The following CRIM1 variants were observed in gnomAD, a reference collection of about 807,000 sequenced individuals.
CRIM1 encodes cysteine-rich motor neuron 1 protein.
A neutral mutation model predicts 116.4 loss-of-function variants in CRIM1; 32 were observed. The ratio of observed to expected loss-of-function variants is 0.27; its 90% CI spans 0.21 to 0.37. The LOEUF (loss-of-function observed/expected upper bound fraction) is 0.37. Ranked by LOEUF, CRIM1 falls within the 10% of genes least tolerant of loss-of-function variation. The pLI, the probability that CRIM1 is intolerant of heterozygous loss-of-function variation, is 1.00. For missense variants in CRIM1, 1,331 were observed against 1,354.8 expected, an observed-to-expected ratio of 0.98 and a Z score of 0.28; for synonymous variants, 590 against 509.2, an observed-to-expected ratio of 1.16 and a Z score of -2.13.
intron 9 of CRIM1, among the ~76,000 whole-genome samples, chr2:36,511,276 T>C (rs1036969538): frequency 8.5e-5 from 13 of 152,182 alleles, no homozygotes; most frequent in Non-Finnish European, 1.5e-4. Context: ...AGACCTATCA[T>C]CTCTTTCCCA....
intron 7 of CRIM1, among the ~76,000 whole-genome samples, chr2:36,494,872 C>T (rs1419083305): frequency 6.6e-6 from 1 of 152,128 alleles, no homozygotes; most frequent in East Asian, 1.9e-4. Flanking sequence ...GATTCCTCAG[C>T]TGATTCAATA....
At chr2:36,437,268 C>A (rs564456186) in intron 2 of CRIM1, among the ~76,000 whole-genome samples, 1 of 151,582 alleles carries the variant, frequency 6.6e-6, no homozygotes, top group Non-Finnish European at 1.5e-5. Flanking sequence ...CCAGCTACTC[C>A]GGAGGCTGAG....
At position 36,516,898 on chromosome 2, in the gene CRIM1, T is replaced by C. The variant is rs563419793; in HGVS notation, c.1991-429T>C. 7.3e-4 allele frequency among the ~76,000 whole-genome samples: 111 copies of C among 152,282 alleles called. 1 individual carries two copies. Among genetic ancestry groups the C allele is most frequent in the African/African-American group, 2.7e-3 (111 of 41,546 alleles). On this transcript the variant is annotated intron_variant, in intron 11 of 16. Coordinates refer to ENST00000280527, the MANE Select transcript of CRIM1 (RefSeq NM_016441.3). The stretch of plus-strand genomic sequence containing the variant: ...CCTCATGCATAAAATAAGGTGACTG[T>C]AAGGAATAAATGAAATAACACATGT...
chr2:36,373,599 G>A (rs965513079), intron 1 of CRIM1, among the ~76,000 whole-genome samples: 12 of 152,184 alleles, frequency 7.9e-5, no homozygotes, highest in African/African-American at 2.7e-4. Flanking sequence ...ATTTTGAGAG[G>A]TAGAAATGAA....
intron 7 of CRIM1, among the ~76,000 whole-genome samples, chr2:36,480,193 C>T (rs1679299875): frequency 6.6e-6 from 1 of 152,194 alleles, no homozygotes; most frequent in Non-Finnish European, 1.5e-5. Context: ...TTTGCAATTC[C>T]TCTAGTGCTG....
intron 8 of CRIM1, among the ~76,000 whole-genome samples, chr2:36,505,015 T>G (rs1681289768): frequency 6.6e-6 from 1 of 152,230 alleles, no homozygotes; most frequent in Non-Finnish European, 1.5e-5. Flanking sequence ...GCCTTCATAT[T>G]TTTCATGAAA....
chr2:36,515,311 A>G (rs901140253), intron 11 of CRIM1, among the ~76,000 whole-genome samples: 1 of 152,248 alleles, frequency 6.6e-6, no homozygotes, highest in African/African-American at 2.4e-5. Flanking sequence ...TCTCTATTAC[A>G]GAGTCATGGA....
rs148327757 is a variant in CRIM1 at position 36,386,940 on chromosome 2, G to A, written c.332-9674G>A. The stretch of plus-strand genomic sequence containing the variant: ...GTCATGAAACAACATGGGACATTCA[G>A]GCAATTCATAGTCACTAAGTCTTAC... On this transcript the variant is annotated intron_variant, in intron 1 of 16. Coordinates refer to ENST00000280527, the MANE Select transcript of CRIM1 (RefSeq NM_016441.3). Among the ~76,000 whole-genome samples the A allele has an allele frequency of 2.2e-3, 328 of 152,328 alleles. 1 individual carries two copies. The highest frequency in any genetic ancestry group is 7.0e-3 in the African/African-American group (289 of 41,572).
chr2:36,517,678 G>A lies in CRIM1; in HGVS notation c.2206+136G>A, dbSNP rs1020868182. The A allele has an allele frequency of 8.0e-6, 6 of 752,778 alleles. No homozygotes were observed. The East Asian group carries it at 8.2e-5, about 10-fold the overall frequency. 46.6% of individuals were successfully genotyped at this position (752,778 alleles called of 1,614,324 possible). A position where few individuals can be genotyped will look rare whatever the true frequency, so the allele number is the denominator to read the frequency against. On this transcript the variant is annotated intron_variant, in intron 12 of 16. Coordinates refer to ENST00000280527, the MANE Select transcript of CRIM1 (RefSeq NM_016441.3). The stretch of plus-strand genomic sequence containing the variant: ...ACCCAGTATCCCATCAGGAACAGCT[G>A]GCAGCCTGCTTCCTGCATGTATTCT...
intron 7 of CRIM1, among the ~76,000 whole-genome samples, chr2:36,497,888 C>A (rs1680710989): frequency 6.6e-6 from 1 of 152,140 alleles, no homozygotes; most frequent in Non-Finnish European, 1.5e-5. Context: ...TCCCTGGTAA[C>A]AGGAGATGAA....
intron 1 of CRIM1, among the ~76,000 whole-genome samples, chr2:36,381,078 C>T (rs768303983): frequency 6.6e-6 from 1 of 152,198 alleles, no homozygotes; most frequent in Non-Finnish European, 1.5e-5. Flanking sequence ...TGAACTTTTC[C>T]CTGCCAGCCT....
chr2:36,517,929 A>C (rs1665138350), intron 12 of CRIM1, among the ~76,000 whole-genome samples: 2 of 152,338 alleles, frequency 1.3e-5, no homozygotes, highest in South Asian at 4.1e-4. Flanking sequence ...GTTATTTATA[A>C]ATAATGTAAA....
intron 5 of CRIM1, among the ~76,000 whole-genome samples, chr2:36,466,044 CGCGG>C (rs373339886): frequency 0.45 from 67,819 of 151,672 alleles, 15,521 homozygotes; most frequent in South Asian, 0.67. Context: ...CGCCACCACA[CGCGG>C]CTAATTTTTT....
chr2:36,509,755 A>G (rs1286577349), intron 8 of CRIM1, among the ~76,000 whole-genome samples: 1 of 152,184 alleles, frequency 6.6e-6, no homozygotes, highest in African/African-American at 2.4e-5. Flanking sequence ...TTAGAAATCT[A>G]TGCATTTCAA....
rs750669467 is a variant in CRIM1, at chr2:36,486,445, G to A, written c.1372+6751G>A. On this transcript the variant is annotated intron_variant, in intron 7 of 16. Transcript: ENST00000280527. ...ACTGTCATACTGAACCAAGTTTTACGAGTAAAAATGAAGATTGGTCTTATA... is the reference window on the plus strand; with the variant it reads ...ACTGTCATACTGAACCAAGTTTTACAAGTAAAAATGAAGATTGGTCTTATA... Among the ~76,000 whole-genome samples, 8 of 152,154 alleles carry A rather than the reference G, an allele frequency of 5.3e-5. No homozygotes were observed. In the East Asian group the frequency reaches 7.7e-4, roughly 15 times the overall value.
chr2:36,479,368 G>T (rs711250), intron 6 of CRIM1, 129 bp from the exon 7 acceptor site: 1 of 829,370 alleles, frequency 1.2e-6, no homozygotes, highest in Non-Finnish European at 1.9e-6. Context: ...GCAACCCTGC[G>T]CTTCTGTTGA....
intron 5 of CRIM1, among the ~76,000 whole-genome samples, chr2:36,471,666 A>G (rs916351455): frequency 5.3e-5 from 8 of 152,046 alleles, no homozygotes; most frequent in African/African-American, 1.9e-4. Context: ...CATTGGAAGA[A>G]GAAGATTGTC....
chr2:36,525,154 T>G (rs1372094971), intron 13 of CRIM1, among the ~76,000 whole-genome samples: 1 of 152,252 alleles, frequency 6.6e-6, no homozygotes, highest in Admixed American at 6.5e-5. Flanking sequence ...CTCGTTCATC[T>G]TAATAATTTA....
At chr2:36,403,907 G>C (rs1399319410) in intron 2 of CRIM1, among the ~76,000 whole-genome samples, 3 of 152,156 alleles carry the variant, frequency 2.0e-5, no homozygotes, top group Non-Finnish European at 2.9e-5. Context: ...ATCTGAGCTG[G>C]AGATAAGAAT....
Sources: allele counts gnomAD v4.1 joint callset (sites outside exome capture counted in the v4.1 genomes callset), GRCh38; gene constraint gnomAD v4.1.1; transcripts MANE v1.5; gene names NCBI Gene and HGNC (gene_info 2026-07-23, HGNC 2026-07-21).